Variants in PCDHA9 observed in about 807,000 individuals in gnomAD.
PCDHA9 encodes protocadherin alpha 9.
Under a neutral mutation model 62.0 loss-of-function variants are expected in PCDHA9, and 62 were observed. That is an observed-to-expected ratio of 1.00 (90% CI 0.81 to 1.23). The LOEUF (loss-of-function observed/expected upper bound fraction) is 1.23. Ranked by LOEUF, PCDHA9 falls within the 50% of genes most tolerant of loss-of-function variation. PCDHA9 has a pLI of 0.00. For missense variants in PCDHA9, 1,205 were observed against 1,249.8 expected (o/e 0.96, Z 0.54); for synonymous variants, 557 against 567.6 (o/e 0.98, Z 0.27).
At position 141,011,045 on chromosome 5, in the gene PCDHA9, G is replaced by A. The variant is rs949707438; in HGVS notation, c.*1108G>A. 2 of 153,712 alleles carry A rather than the reference G, an allele frequency of 1.3e-5. No individual in the cohort carries two copies. Among genetic ancestry groups the A allele is most frequent in the African/African-American group, 4.8e-5 (2 of 41,422 alleles). The allele number at this position is 153,712 out of a possible 1,614,324, so 9.5% of individuals were successfully genotyped here. ...CAGCTTTACTCTTTCAGGTCACTCT[G>A]GGGCTGCCTCTTGCATGTATTACTA... On this transcript the variant is annotated 3_prime_UTR_variant, in exon 4 of 4. Coordinates refer to ENST00000532602, the MANE Select transcript of PCDHA9 (RefSeq NM_031857.2).
chr5:140,862,934 G>C (rs1050739882), intron 1 of PCDHA9: 3 of 542,192 alleles, frequency 5.5e-6, no homozygotes, highest in African/African-American at 2.0e-5. Flanking sequence ...TGGCGGCGCT[G>C]TGAGTGAGCT....
At chr5:140,944,171 GT>G (rs1250322343) in intron 1 of PCDHA9, among the ~76,000 whole-genome samples, 1 of 152,008 alleles carries the variant, frequency 6.6e-6, no homozygotes, top group Non-Finnish European at 1.5e-5. Context: ...GCCAAGGCTG[GT>G]TTTTTGTTGG....
At chr5:140,969,058 TG>T in intron 1 of PCDHA9, 2 of 1,614,166 alleles carry the variant, frequency 1.2e-6, no homozygotes, top group Non-Finnish European at 1.7e-6. Context: ...ACAACAATAT[TG>T]ATGCCAGGAT....
chr5:140,958,495 C>T (rs559117374), intron 1 of PCDHA9, among the ~76,000 whole-genome samples: 1 of 152,138 alleles, frequency 6.6e-6, no homozygotes, highest in African/African-American at 2.4e-5. Context: ...TCCACATATC[C>T]TAGGAGGCAT....
At position 141,011,003 on chromosome 5, in the gene PCDHA9, C is replaced by G. The variant is rs748731648; in HGVS notation, c.*1066C>G. 2.0e-5 allele frequency: 3 copies of G among 153,824 alleles called. No homozygotes were observed. In the South Asian group the frequency reaches 6.2e-4, roughly 32 times the overall value. 9.5% of individuals were successfully genotyped at this position (153,824 alleles called of 1,614,324 possible). On this transcript the variant is annotated 3_prime_UTR_variant, in exon 4 of 4. Coordinates refer to ENST00000532602, the MANE Select transcript of PCDHA9 (RefSeq NM_031857.2). ...ATTGCCTGAAACATCTGTATTATAT[C>G]GGCCACCTGCCAATCACAGCTTTAC...
intron 3 of PCDHA9, among the ~76,000 whole-genome samples, chr5:140,998,686 T>G (rs1245765431): frequency 6.6e-6 from 1 of 152,118 alleles, no homozygotes; most frequent in Non-Finnish European, 1.5e-5. Context: ...TGCCTCAGCC[T>G]CCCAAGTAGC....
chr5:140,870,745 G>T (rs369212308), intron 1 of PCDHA9: 8 of 1,613,530 alleles, frequency 5.0e-6, no homozygotes, highest in Admixed American at 3.3e-5. Flanking sequence ...GAGCAGCAAC[G>T]TGACGCTGCA....
chr5:140,900,653 T>C (rs1163740859), intron 1 of PCDHA9, among the ~76,000 whole-genome samples: 1 of 152,220 alleles, frequency 6.6e-6, no homozygotes, highest in Non-Finnish European at 1.5e-5. Flanking sequence ...ACTGCTGCAA[T>C]GAACAATGGG....
At chr5:140,861,646 T>C in intron 1 of PCDHA9, 1 of 291,698 alleles carries the variant, frequency 3.4e-6, no homozygotes, top group Non-Finnish European at 6.9e-6. Context: ...CAAAAGAATC[T>C]GTTTCTGAAA....
intron 3 of PCDHA9, among the ~76,000 whole-genome samples, chr5:141,007,174 G>A (rs926344346): frequency 6.6e-6 from 1 of 152,118 alleles, no homozygotes; most frequent in African/African-American, 2.4e-5. Context: ...AGAGAGAAAG[G>A]TCAGGAGAAT....
chr5:140,948,602 A>G (rs537329393), intron 1 of PCDHA9, among the ~76,000 whole-genome samples: 2 of 151,590 alleles, frequency 1.3e-5, no homozygotes, highest in Non-Finnish European at 3.0e-5. Context: ...AATTTATCAT[A>G]TTTTTGGCAC....
At position 140,958,540 on chromosome 5, in the gene PCDHA9, A is replaced by G. The variant is rs920451567; in HGVS notation, c.2395-20409A>G. 4.6e-5 allele frequency among the ~76,000 whole-genome samples: 7 copies of G among 152,312 alleles called. 1 individual carries two copies. In the East Asian group the frequency reaches 1.3e-3, roughly 29 times the overall value. On this transcript the variant is annotated intron_variant, in intron 1 of 3. Coordinates refer to ENST00000532602, the MANE Select transcript of PCDHA9 (RefSeq NM_031857.2). ...ATATATACTATGTGTACATTGATTT[A>G]TGAACCAATAAATGTTTCATACACA... is the stretch of plus-strand genomic sequence containing the variant.
At chr5:140,853,686 T>C (rs2042832936) in intron 1 of PCDHA9, 1 of 988,118 alleles carries the variant, frequency 1.0e-6, no homozygotes, top group Middle Eastern at 5.3e-4. Flanking sequence ...CAACCTATCC[T>C]TAGACCTGCT....
At chr5:140,879,234 G>A (rs1483424901) in intron 1 of PCDHA9, among the ~76,000 whole-genome samples, 1 of 152,180 alleles carries the variant, frequency 6.6e-6, no homozygotes, top group Non-Finnish European at 1.5e-5. Flanking sequence ...ACATATACAA[G>A]AGGCACTGGC....
chr5:140,875,216 A>T, intron 1 of PCDHA9: 1 of 717,612 alleles, frequency 1.4e-6, no homozygotes, highest in East Asian at 3.2e-5. Flanking sequence ...ACCGAAAAGA[A>T]CCTCAGGATC....
At chr5:140,877,798 CT>C (rs782663782) in intron 1 of PCDHA9, 1 of 1,613,568 alleles carries the variant, frequency 6.2e-7, no homozygotes, top group Non-Finnish European at 8.5e-7. Context: ...CAGCCCAAGC[CT>C]TCAGCTGTCT....
intron 1 of PCDHA9, chr5:140,870,351 C>G (rs958022470): frequency 2.5e-6 from 4 of 1,614,202 alleles, no homozygotes; most frequent in Non-Finnish European, 3.4e-6. Context: ...ACCGCGAGAA[C>G]GTGTGGGCCT....
rs782251799 is a variant in PCDHA9 at position 140,876,987 on chromosome 5, G to T, written c.2394+26098G>T. On this transcript the variant is annotated intron_variant, in intron 1 of 3. Transcript: ENST00000532602. The stretch of plus-strand genomic sequence containing the variant: ...GGCGGGTGGGCGAGCACGCACTGTC[G>T]AGCTACGTGTCGGTGCACGCGGAGA... The T allele has an allele frequency of 9.9e-6, 16 of 1,612,540 alleles. 1 individual carries two copies. The South Asian group carries it at 1.4e-4, about 14-fold the overall frequency.
chr5:140,987,407 T>C (rs1301920693), intron 3 of PCDHA9, among the ~76,000 whole-genome samples: 3 of 152,148 alleles, frequency 2.0e-5, no homozygotes, highest in Non-Finnish European at 4.4e-5. Flanking sequence ...CATCTGTTTA[T>C]GGTTCTTGTG....
Sources: gnomAD v4.1 joint callset for allele counts (sites outside exome capture counted in the v4.1 genomes callset) on GRCh38, gnomAD v4.1.1 for gene constraint, MANE v1.5 for transcripts, NCBI Gene and HGNC (gene_info 2026-07-23, HGNC 2026-07-21) for gene names.